EFCAB13: variants seen among roughly 807,000 people sequenced by gnomAD.
EFCAB13 encodes the protein EF-hand calcium-binding domain-containing protein 13.
A neutral mutation model predicts 110.2 loss-of-function variants in EFCAB13; 91 were observed. The ratio of observed to expected loss-of-function variants is 0.83; its 90% CI spans 0.70 to 0.98. The LOEUF is 0.98. Among genes scored for constraint, EFCAB13 ranks in the 50% least tolerant of loss-of-function variants. The pLI, the probability that EFCAB13 is intolerant of heterozygous loss-of-function variation, is 0.00. For missense variants in EFCAB13, 968 were observed against 1,119.4 expected (o/e 0.86, Z 1.93); for synonymous variants, 323 against 369.9 (o/e 0.87, Z 1.45).
chr17:47,384,650 A>T, intron 14 of EFCAB13, among the ~76,000 whole-genome samples: 1 of 152,152 alleles, frequency 6.6e-6, no homozygotes, highest in East Asian at 1.9e-4. Flanking sequence ...CTTTTCTTTA[A>T]GAATGTTGAA....
chr17:47,414,884 AAATG>A lies in EFCAB13; in HGVS notation c.2462_2465del (p.Met821LysfsTer16). 1 of 1,608,164 alleles carries A rather than the reference AAATG, an allele frequency of 6.2e-7. No homozygotes were observed. On this transcript the variant is annotated frameshift_variant, in exon 23 of 25. Transcript: ENST00000331493. LOFTEE classifies it high-confidence loss of function. ...GTGGATTTAAAAGATTTCTTAATGA[AAATG>A]AAAGAAAGTCCACATTTCCAAAAGT...
rs139537259 is a variant in EFCAB13 at position 47,334,788 on chromosome 17, G to C, written c.31-408G>C. ...AAATTAGCCACGCATGATGGTGCAT[G>C]TCTGTGGTCTCAGCTTCTCAGGAGG... On this transcript the variant is annotated intron_variant, in intron 4 of 24. Transcript: ENST00000331493. Among the ~76,000 whole-genome samples the C allele has an allele frequency of 5.3e-3, 812 of 152,208 alleles. 8 individuals are homozygous for C. The highest frequency in any genetic ancestry group is 0.018 in the African/African-American group (762 of 41,544).
chr17:47,377,781 C>G lies in EFCAB13; in HGVS notation c.1388C>G (p.Ala463Gly). 6.3e-7 allele frequency: 1 copy of G among 1,580,984 alleles called. No homozygotes were observed. The change falls in exon 13 of 25, where the codon GCT becomes GGT. Residue 463 changes from alanine (A) to glycine (G), a missense_variant. Physicochemically the swap from Ala to Gly is moderately conservative, Grantham distance 60. Coordinates refer to ENST00000331493, the MANE Select transcript of EFCAB13 (RefSeq NM_152347.5). ...GTGTATTTAGAAAACTTCTGTGAAG[C>G]TATCAGTAAACTTCAAGAAAATTAC... ...AISTLENFCE[A>G]ISKLQENYIA... is the part of the protein sequence containing the mutation.
rs773482053 is a variant in EFCAB13 at position 47,409,688 on chromosome 17, A to T, written c.2275A>T (p.Asn759Tyr). ...TTCAAATCTAAAATTACCAAAGGTA[A>T]ACGGTGAGTAAGAACTTTGTATATG... ...EASNLKLPKV[N>Y]EIKEAANILS... The change falls in exon 21 of 25, where the codon AAC becomes TAC. Residue 759 changes from asparagine (N) to tyrosine (Y), a missense_variant. Physicochemically the swap from Asn to Tyr is moderately radical, Grantham distance 143. Transcript: ENST00000331493. The T allele has an allele frequency of 5.6e-6, 9 of 1,608,458 alleles. No individual in the cohort carries two copies. The highest frequency in any genetic ancestry group is 1.1e-5 in the South Asian group (1 of 90,882).
Position 47,383,241 on chromosome 17 carries a change from C to T in EFCAB13, c.1582+3988C>T, listed in dbSNP as rs887796613. Among the ~76,000 whole-genome samples the T allele has an allele frequency of 2.0e-5, 3 of 152,230 alleles. No homozygotes were observed. In the East Asian group the frequency reaches 5.8e-4, roughly 29 times the overall value. Reference sequence around the variant, plus strand: ...ATTTCAAAAAACCAGCTTCCAGATTCATTGATTTTTTGAAGTACTCTTCAT... The same window carrying T: ...ATTTCAAAAAACCAGCTTCCAGATTTATTGATTTTTTGAAGTACTCTTCAT... On this transcript the variant is annotated intron_variant, in intron 14 of 24. Coordinates refer to ENST00000331493, the MANE Select transcript of EFCAB13 (RefSeq NM_152347.5).
At chr17:47,351,803 C>CT (rs939009113) in intron 9 of EFCAB13, among the ~76,000 whole-genome samples, 2 of 147,510 alleles carry the variant, frequency 1.4e-5, no homozygotes, top group South Asian at 2.1e-4. Flanking sequence ...TCTCATTTGT[C>CT]TTTTTTTGTT....
intron 10 of EFCAB13, among the ~76,000 whole-genome samples, chr17:47,367,245 C>T (rs78750895): frequency 0.023 from 3,448 of 152,336 alleles, 108 homozygotes; most frequent in East Asian, 0.18. Context: ...GGTTCAAACA[C>T]ATAGTACTTG....
chr17:47,345,527 C>A (rs1236736566), intron 8 of EFCAB13, among the ~76,000 whole-genome samples: 1 of 152,056 alleles, frequency 6.6e-6, no homozygotes, highest in African/African-American at 2.4e-5. Context: ...AATAATTTCA[C>A]ATAGTTTTCC....
intron 11 of EFCAB13, among the ~76,000 whole-genome samples, chr17:47,371,468 T>C (rs1478310001): frequency 1.3e-5 from 2 of 152,146 alleles, no homozygotes; most frequent in Non-Finnish European, 2.9e-5. Context: ...CCCAGCACCA[T>C]TTATTGAAGA....
chr17:47,419,297 A>C (rs1303296557), intron 23 of EFCAB13, among the ~76,000 whole-genome samples: 1 of 152,180 alleles, frequency 6.6e-6, no homozygotes, highest in Admixed American at 6.5e-5. Flanking sequence ...GGAGCAAAAA[A>C]ATACTGATGG....
At chr17:47,340,163 T>C (rs567945423) in intron 5 of EFCAB13, 5 of 152,328 alleles carry the variant, frequency 3.3e-5, no homozygotes, top group African/African-American at 1.2e-4. Context: ...CAAGTCTTTG[T>C]TATGAAAAGT....
chr17:47,371,059 G>GTTTTTTTT (rs1187612737), intron 11 of EFCAB13, among the ~76,000 whole-genome samples: 1 of 121,792 alleles, frequency 8.2e-6, no homozygotes, highest in Admixed American at 9.2e-5. Context: ...GTTTTTAATG[G>GTTTTTTTT]TTGTTTTTTT....
At chr17:47,400,086 TTTAAAC>T (rs1442631825) in intron 17 of EFCAB13, among the ~76,000 whole-genome samples, 10 of 152,270 alleles carry the variant, frequency 6.6e-5, no homozygotes, top group Admixed American at 4.6e-4. Context: ...GTTTTAGATT[TTTAAAC>T]TTAAACTGAT....
chr17:47,422,372 TG>T (rs1257543361), intron 23 of EFCAB13, among the ~76,000 whole-genome samples: 2 of 152,144 alleles, frequency 1.3e-5, no homozygotes, highest in African/African-American at 4.8e-5. Flanking sequence ...AACCGTGTAC[TG>T]GAAGTCCTAG....
At chr17:47,346,477 A>G (rs933022535) in intron 8 of EFCAB13, among the ~76,000 whole-genome samples, 5 of 123,234 alleles carry the variant, frequency 4.1e-5, no homozygotes, top group African/African-American at 1.2e-4. Flanking sequence ...TTCCACAGAT[A>G]TTTAGATTGT....
chr17:47,370,610 T>G, intron 11 of EFCAB13, 102 bp downstream of exon 11: 1 of 732,924 alleles, frequency 1.4e-6, no homozygotes, highest in Non-Finnish European at 2.2e-6. Flanking sequence ...TTTGAAAACC[T>G]TCTCTGAATA....
chr17:47,389,840 T>G (rs1450611863), intron 14 of EFCAB13, among the ~76,000 whole-genome samples: 1 of 152,158 alleles, frequency 6.6e-6, no homozygotes, highest in Non-Finnish European at 1.5e-5. Flanking sequence ...TAAGGTGACT[T>G]GCTGTTTCTA....
rs376895672 is a variant in EFCAB13, at chr17:47,334,047, T to C, written c.31-1149T>C. On this transcript the variant is annotated intron_variant, in intron 4 of 24. Transcript: ENST00000331493. ...GAAAGTATGGACATTTAAACAATAT[T>C]AATTTTTTGAATCCATGAACTTGGG... is the stretch of plus-strand genomic sequence containing the variant. Among the ~76,000 whole-genome samples the C allele has an allele frequency of 3.9e-4, 60 of 152,312 alleles. 1 individual carries two copies. In the South Asian group the frequency reaches 0.012, roughly 31 times the overall value.
chr17:47,378,026 G>A, intron 13 of EFCAB13, 123 bp downstream of exon 13: 1 of 874,304 alleles, frequency 1.1e-6, no homozygotes. Flanking sequence ...TCATTCTAAA[G>A]AAAATTCAGA....
Sources: gnomAD v4.1 joint callset for allele counts (sites outside exome capture counted in the v4.1 genomes callset) on GRCh38, gnomAD v4.1.1 for gene constraint, MANE v1.5 for transcripts, NCBI Gene and HGNC (gene_info 2026-07-23, HGNC 2026-07-21) for gene names.